The following PITPNA variants were observed in gnomAD, a reference collection of about 807,000 sequenced individuals.
PITPNA encodes the protein phosphatidylinositol transfer protein alpha isoform.
PITPNA carries 13 observed loss-of-function variants against 50.3 expected under a neutral mutation model. The observed-to-expected ratio is 0.26, with a 90% CI of 0.17 to 0.41. PITPNA has a LOEUF of 0.41. Among genes scored for constraint, PITPNA ranks in the 10% least tolerant of loss-of-function variants. PITPNA has a pLI of 1.00. For missense variants in PITPNA, 207 were observed against 333.4 expected (o/e 0.62, Z 2.95); for synonymous variants, 120 against 119.6 (o/e 1.00, Z -0.02).
chr17:1,549,264 CT>C (rs111372952), intron 3 of PITPNA, among the ~76,000 whole-genome samples: 444 of 126,126 alleles, frequency 3.5e-3, no homozygotes, highest in South Asian at 4.6e-3. Flanking sequence ...AAGCCCCCTG[CT>C]TTTTTTTTTT....
intron 10 of PITPNA, 123 bp from the exon 11 acceptor site, chr17:1,521,768 G>A (rs1382721881): frequency 9.2e-6 from 7 of 757,292 alleles, no homozygotes; most frequent in East Asian, 5.2e-5. Context: ...CTGGAAGGAC[G>A]GAAGAATTCT....
chr17:1,561,601 C>T (rs2075768587), intron 1 of PITPNA, among the ~76,000 whole-genome samples: 1 of 152,154 alleles, frequency 6.6e-6, no homozygotes, highest in Non-Finnish European at 1.5e-5. Context: ...CCCTACCCAA[C>T]ATTTTCTGGC....
intron 1 of PITPNA, among the ~76,000 whole-genome samples, chr17:1,558,974 C>T (rs971758721): frequency 1.3e-5 from 2 of 152,086 alleles, no homozygotes; most frequent in African/African-American, 4.8e-5. Context: ...GAGTCGTCCC[C>T]CCAACAAGAC....
intron 5 of PITPNA, among the ~76,000 whole-genome samples, chr17:1,542,060 C>T (rs1200269167): frequency 6.6e-6 from 1 of 152,108 alleles, no homozygotes; most frequent in Non-Finnish European, 1.5e-5. Flanking sequence ...ATTATCCAGG[C>T]ATGGTGGCGG....
chr17:1,529,261 G>A (rs987002308), intron 10 of PITPNA, among the ~76,000 whole-genome samples: 1 of 149,394 alleles, frequency 6.7e-6, no homozygotes, highest in Non-Finnish European at 1.5e-5. Flanking sequence ...GGTGGCTCAT[G>A]CCTGTAATCC....
chr17:1,533,796 GCT>G (rs1254796944), intron 10 of PITPNA, among the ~76,000 whole-genome samples: 3 of 152,048 alleles, frequency 2.0e-5, no homozygotes, highest in Non-Finnish European at 4.4e-5. Context: ...AGCCCCGCAC[GCT>G]CTTTCCCACC....
chr17:1,555,661 C>T (rs573002053), intron 2 of PITPNA, among the ~76,000 whole-genome samples: 2 of 152,312 alleles, frequency 1.3e-5, no homozygotes, highest in Non-Finnish European at 1.5e-5. Flanking sequence ...GTGGGTGGGC[C>T]TGAAATACTG....
intron 4 of PITPNA, among the ~76,000 whole-genome samples, chr17:1,546,544 G>A (rs1022943543): frequency 1.3e-5 from 2 of 152,202 alleles, no homozygotes; most frequent in Non-Finnish European, 2.9e-5. Context: ...TGCCAACAAA[G>A]AAAGCAAGTG....
intron 6 of PITPNA, among the ~76,000 whole-genome samples, chr17:1,540,481 C>T (rs1344464305): frequency 6.6e-6 from 1 of 152,182 alleles, no homozygotes; most frequent in Middle Eastern, 3.2e-3. Flanking sequence ...CTTCACTGAA[C>T]AGTCAACTTG....
At chr17:1,542,946 C>T in intron 5 of PITPNA, 74 bp downstream of exon 5, 1 of 1,141,536 alleles carries the variant, frequency 8.8e-7, no homozygotes, top group African/African-American at 1.5e-5. Flanking sequence ...CCCAAGACCA[C>T]CAGTGCAGTT....
intron 2 of PITPNA, among the ~76,000 whole-genome samples, chr17:1,558,233 A>AAG (rs2075748309): frequency 6.6e-6 from 1 of 150,872 alleles, no homozygotes; most frequent in African/African-American, 2.4e-5. Context: ...TCCGTCTCAA[A>AAG]AAAAAAAAAA....
At chr17:1,553,271 T>A in intron 2 of PITPNA, 122 bp from the exon 3 acceptor site, 1 of 1,108,572 alleles carries the variant, frequency 9.0e-7, no homozygotes, top group Non-Finnish European at 1.3e-6. Context: ...GAGCTGGTTC[T>A]GGAGTTTCAC....
intron 2 of PITPNA, among the ~76,000 whole-genome samples, chr17:1,557,172 G>C (rs1416312401): frequency 6.6e-6 from 1 of 151,980 alleles, no homozygotes. Flanking sequence ...CCAAGATCAC[G>C]GTCAAGGCCC....
chr17:1,553,230 A>C (rs2075718667), intron 2 of PITPNA, 81 bp from the exon 3 acceptor site: 3 of 1,473,276 alleles, frequency 2.0e-6, no homozygotes, highest in Non-Finnish European at 2.8e-6. Context: ...GTAAGTGTCT[A>C]ACTGGATCTC....
intron 1 of PITPNA, chr17:1,559,875 T>C (rs2075759329): frequency 9.8e-6 from 6 of 613,300 alleles, no homozygotes; most frequent in Non-Finnish European, 1.2e-5. Context: ...ATCCTCCAGT[T>C]TACTGAATGC....
intron 1 of PITPNA, 67 bp from the exon 2 acceptor site, chr17:1,558,626 T>A: frequency 4.4e-6 from 5 of 1,138,620 alleles, no homozygotes; most frequent in Non-Finnish European, 6.6e-6. Flanking sequence ...CTTTAAAGCA[T>A]CATCCTAAAA....
intron 2 of PITPNA, among the ~76,000 whole-genome samples, chr17:1,554,995 G>A (rs1215278501): frequency 2.0e-5 from 3 of 152,138 alleles, no homozygotes; most frequent in Non-Finnish European, 4.4e-5. Context: ...ATGAAAACCC[G>A]TCAGGTGGGT....
At chr17:1,542,887 G>A in intron 5 of PITPNA, 133 bp downstream of exon 5, 2 of 659,942 alleles carry the variant, frequency 3.0e-6, no homozygotes, top group Non-Finnish European at 5.3e-6. Flanking sequence ...TTAGTCCACT[G>A]ACAGGACTGA....
chr17:1,548,803 C>T (rs1301017217), intron 3 of PITPNA, among the ~76,000 whole-genome samples: 1 of 152,214 alleles, frequency 6.6e-6, no homozygotes, highest in Non-Finnish European at 1.5e-5. Context: ...GGTTTGGGAT[C>T]CAGGATTATC....
Sources: gnomAD v4.1 joint callset for allele counts (sites outside exome capture counted in the v4.1 genomes callset) on GRCh38, gnomAD v4.1.1 for gene constraint, MANE v1.5 for transcripts, NCBI Gene and HGNC (gene_info 2026-07-23, HGNC 2026-07-21) for gene names.